Variants in PHF11 observed in about 807,000 individuals in gnomAD.
PHF11 encodes the protein PHD finger protein 11.
PHF11 carries 38 observed loss-of-function variants against 40.5 expected under a neutral mutation model. The observed-to-expected ratio is 0.94, with a 90% CI of 0.72 to 1.23. The LOEUF (loss-of-function observed/expected upper bound fraction) is 1.23, where lower values mean the gene tolerates loss of function less well. Among genes scored for constraint, PHF11 ranks in the 50% most tolerant of loss-of-function variants. The pLI, the probability that PHF11 is intolerant of heterozygous loss-of-function variation, is 0.00. For synonymous variants in PHF11, 127 were observed against 138.2 expected (o/e 0.92, Z 0.57); for missense variants, 369 against 392.4 (o/e 0.94, Z 0.50).
intron 3 of PHF11, among the ~76,000 whole-genome samples, chr13:49,516,972 C>T (rs80164894): frequency 0.092 from 13,968 of 152,074 alleles, 843 homozygotes; most frequent in Non-Finnish European, 0.12. Flanking sequence ...TTTCTTTCTC[C>T]TATATTTCCT....
intron 7 of PHF11, chr13:49,523,795 T>A (rs1001775247): frequency 4.4e-6 from 1 of 225,478 alleles, no homozygotes; most frequent in African/African-American, 2.3e-5. Context: ...GGTATTGAAA[T>A]TTAAAAAGTT....
intron 6 of PHF11, 37 bp downstream of exon 6, chr13:49,522,144 C>T: frequency 9.7e-7 from 1 of 1,032,042 alleles, no homozygotes; most frequent in African/African-American, 1.6e-5. Flanking sequence ...TGCATTTCTT[C>T]ATACAGAGTC....
rs779125887 is a variant in PHF11 at position 49,496,121 on chromosome 13, G to A, written c.94+26G>A. ...GTGTGTACCGCGGGGGCGGGCGGGC[G>A]GGCGGGCGGGGCTGGGCAGCGACGG... is the stretch of plus-strand genomic sequence containing the variant. On this transcript the variant is annotated intron_variant, in intron 1 of 9. Transcript: ENST00000378319. The A allele has an allele frequency of 2.4e-5, 28 of 1,158,228 alleles. 2 individuals are homozygous for A. The highest frequency in any genetic ancestry group is 1.3e-4 in the African/African-American group (8 of 61,494). 71.7% of individuals were successfully genotyped at this position (1,158,228 alleles called of 1,614,324 possible).
In PHF11 at chr13:49,523,197, A is replaced by G; in HGVS notation, c.593A>G (p.Asn198Ser). ...HVQPPETMKC[N>S]TFIRQVKEEH... ...TAGCCACCCGAAACAATGAAATGTA[A>G]TACATTCATAAGACAAGTGAAAGAA... The change falls in exon 7 of 10, where the codon AAT (asparagine) becomes AGT (serine). Residue 198 changes from asparagine to serine, a missense_variant. Coordinates refer to ENST00000378319, the MANE Select transcript of PHF11 (RefSeq NM_001040443.3). 6.2e-7 allele frequency: 1 copy of G among 1,611,792 alleles called. No homozygotes were observed. The highest frequency in any genetic ancestry group is 8.5e-7 in the Non-Finnish European group (1 of 1,177,834).
intron 1 of PHF11, chr13:49,496,522 A>C: frequency 2.2e-4 from 186 of 861,676 alleles, no homozygotes; most frequent in Middle Eastern, 5.9e-4. Context: ...GCTGGGTCTC[A>C]CGTTCACGGA....
chr13:49,510,389 T>A (rs1233192575), intron 2 of PHF11, among the ~76,000 whole-genome samples: 18 of 152,266 alleles, frequency 1.2e-4, no homozygotes, highest in Non-Finnish European at 4.4e-5. Flanking sequence ...ATGTCTTAAG[T>A]TTTTTCATTT....
At chr13:49,507,612 T>C (rs1959021001) in intron 2 of PHF11, among the ~76,000 whole-genome samples, 2 of 152,256 alleles carry the variant, frequency 1.3e-5, no homozygotes, top group South Asian at 4.1e-4. Context: ...TTAATACACC[T>C]AACTTACCAA....
rs749264250 is a variant in PHF11, at chr13:49,528,582, G to T, written c.913G>T (p.Asp305Tyr). Reference protein sequence around the residue: ...QLKEEIELLQDLKQTLCSFQE... With the variant: ...QLKEEIELLQYLKQTLCSFQE... The stretch of plus-strand genomic sequence containing the variant: ...GAAGGAAGAGATTGAGCTACTTCAG[G>T]ACTTAAAACAAACCTTGTGCTCTTT... Residue 305 changes from aspartate to tyrosine, a missense_variant, in exon 10 of 10, where the codon GAC (aspartate) becomes TAC (tyrosine). Physicochemically the swap from Asp to Tyr is radical, Grantham distance 160. Coordinates refer to ENST00000378319, the MANE Select transcript of PHF11 (RefSeq NM_001040443.3). 2.5e-6 allele frequency: 4 copies of T among 1,611,410 alleles called. No individual in the cohort carries two copies. The highest frequency in any genetic ancestry group is 3.4e-6 in the Non-Finnish European group (4 of 1,177,732).
chr13:49,504,789 A>G (rs1199956734), intron 1 of PHF11, among the ~76,000 whole-genome samples: 2 of 151,818 alleles, frequency 1.3e-5, no homozygotes, highest in East Asian at 1.9e-4. Flanking sequence ...AAAGGTGGGG[A>G]AAAGATTGAG....
intron 4 of PHF11, among the ~76,000 whole-genome samples, chr13:49,519,700 T>C (rs1216778651): frequency 2.4e-5 from 3 of 126,244 alleles, no homozygotes; most frequent in Non-Finnish European, 5.0e-5. Context: ...GCCTTGAGAA[T>C]TGTTGACACT....
At chr13:49,497,579 G>A (rs1337863547) in intron 1 of PHF11, among the ~76,000 whole-genome samples, 1 of 152,158 alleles carries the variant, frequency 6.6e-6, no homozygotes. Context: ...CTTCTGTCTG[G>A]ACTATTGCTT....
rs762469071 is a variant in PHF11 at position 49,506,650 on chromosome 13, C to T, written c.110C>T (p.Ala37Val). The T allele has an allele frequency of 1.2e-6, 2 of 1,613,004 alleles. No individual in the cohort carries two copies. Among genetic ancestry groups the T allele is most frequent in the Non-Finnish European group, 1.7e-6 (2 of 1,179,452 alleles). Residue 37 changes from alanine (A) to valine (V), a missense_variant, in exon 2 of 10, where the codon GCA becomes GTA. By Grantham distance (64) the Ala-to-Val change is moderately conservative. Coordinates refer to ENST00000378319, the MANE Select transcript of PHF11 (RefSeq NM_001040443.3). ...LLLPTGVFQV[A>V]EKMEKRTCAL... ...TTACTTATAGGTGTCTTTCAGGTTG[C>T]AGAAAAGATGGAAAAAAGGACATGT... is the stretch of plus-strand genomic sequence containing the variant.
chr13:49,501,693 A>AT (rs1211078327), intron 1 of PHF11, among the ~76,000 whole-genome samples: 5 of 151,838 alleles, frequency 3.3e-5, no homozygotes, highest in African/African-American at 1.2e-4. Context: ...TTTTTGTTTC[A>AT]TTTTGTTTTG....
chr13:49,528,940 G>T lies in PHF11; in HGVS notation c.*275G>T. The T allele has an allele frequency of 3.4e-6, 1 of 294,332 alleles. No individual in the cohort carries two copies. Among genetic ancestry groups the T allele is most frequent in the Non-Finnish European group, 6.3e-6 (1 of 159,832 alleles). 18.2% of individuals were successfully genotyped at this position (294,332 alleles called of 1,614,324 possible). ...ACCTTTGATTCTACTTACAGCCCAT[G>T]ATAGCCTCTTAGATATAATAAATTT... On this transcript the variant is annotated 3_prime_UTR_variant, in exon 10 of 10. Coordinates refer to ENST00000378319, the MANE Select transcript of PHF11 (RefSeq NM_001040443.3).
chr13:49,520,403 A>C (rs1224252732), intron 4 of PHF11, among the ~76,000 whole-genome samples: 1 of 152,168 alleles, frequency 6.6e-6, no homozygotes, highest in Non-Finnish European at 1.5e-5. Flanking sequence ...GGAAGATACT[A>C]ATCAGTTCTA....
intron 4 of PHF11, among the ~76,000 whole-genome samples, chr13:49,519,169 G>T (rs115408713): frequency 1.3e-5 from 2 of 152,092 alleles, no homozygotes; most frequent in Non-Finnish European, 2.9e-5. Flanking sequence ...AGCAAGTTCC[G>T]TAAGTATTTT....
intron 2 of PHF11, among the ~76,000 whole-genome samples, chr13:49,512,195 T>C (rs551521375): frequency 6.6e-5 from 10 of 152,332 alleles, no homozygotes; most frequent in Admixed American, 4.6e-4. Flanking sequence ...TTTCATGAAG[T>C]GTCTATTCAA....
At chr13:49,526,689 G>A (rs1442351395) in intron 9 of PHF11, among the ~76,000 whole-genome samples, 2 of 149,538 alleles carry the variant, frequency 1.3e-5, no homozygotes, top group African/African-American at 4.9e-5. Flanking sequence ...GGTGGAGACA[G>A]TAGTTGGTTG....
intron 3 of PHF11, among the ~76,000 whole-genome samples, chr13:49,515,452 CTA>C (rs1959138412): frequency 8.9e-6 from 1 of 112,878 alleles, no homozygotes; most frequent in Non-Finnish European, 1.8e-5. Context: ...GTTCCATCTC[CTA>C]TACACACACA....
Sources: allele counts gnomAD v4.1 joint callset (sites outside exome capture counted in the v4.1 genomes callset), GRCh38; gene constraint gnomAD v4.1.1; transcripts MANE v1.5; gene names NCBI Gene and HGNC (gene_info 2026-07-23, HGNC 2026-07-21).